SALL4: variants seen among roughly 807,000 people sequenced by gnomAD.
The protein encoded by SALL4 is spalt like transcription factor 4, also known as sal-like protein 4.
A neutral mutation model predicts 60.8 loss-of-function variants in SALL4; 4 were observed. The ratio of observed to expected loss-of-function variants is 0.07; its 90% confidence interval spans 0.03 to 0.15. The LOEUF (loss-of-function observed/expected upper bound fraction) is 0.15, where lower values mean the gene tolerates loss of function less well. Among genes scored for constraint, SALL4 ranks in the 10% least tolerant of loss-of-function variants. The pLI, the probability that SALL4 is intolerant of heterozygous loss-of-function variation, is 1.00. For synonymous variants in SALL4, 580 were observed against 574.9 expected (o/e 1.01, Z -0.13); for missense variants, 1,178 against 1,394.7 (o/e 0.84, Z 2.48).
Position 51,784,275 on chromosome 20 carries a change from G to T in SALL4, c.3152C>A (p.Ala1051Glu). ...FPHFLEENKIAVS is the reference protein window; with the variant it reads ...FPHFLEENKIEVS ...CACGCAAGTTCTCCCTTAGCTGACC[G>T]CAATCTTGTTTTCTTCCAGGAAGTG... Residue 1051 changes from alanine to glutamate, a missense_variant, in exon 4 of 4, where the codon GCG becomes GAG. Physicochemically the swap from Ala to Glu is moderately radical, Grantham distance 107 (BLOSUM62 -1). This residue lies in a region of SALL4 where 174 missense variants were observed against 169.6 expected (regional missense o/e 1.03). Coordinates refer to ENST00000217086, the MANE Select transcript of SALL4 (RefSeq NM_020436.5). The T allele has an allele frequency of 1.9e-6, 3 of 1,613,856 alleles. No homozygotes were observed. The highest frequency in any genetic ancestry group is 2.5e-6 in the Non-Finnish European group (3 of 1,180,018).
At position 51,788,599 on chromosome 20, in the gene SALL4, G is replaced by A. The variant is rs1314971262; in HGVS notation, c.2742+262C>T. ...CCAGCTACTCAGGAGGCTGAGGCAG[G>A]AGAATGGCATGAACCCGGGAGGAGG... On this transcript the variant is annotated intron_variant, in intron 3 of 3. Coordinates refer to ENST00000217086, the MANE Select transcript of SALL4 (RefSeq NM_020436.5). This position sits in a 1 kb window ranked among gnomAD's most constrained non-coding sequence, Gnocchi z 4.1. Among the ~76,000 whole-genome samples, 1 of 152,182 alleles carries A rather than the reference G, an allele frequency of 6.6e-6. No homozygotes were observed. Among genetic ancestry groups the A allele is most frequent in the Non-Finnish European group, 1.5e-5 (1 of 68,028 alleles).
chr20:51,792,102 G>A lies in SALL4; in HGVS notation c.381C>T (p.Pro127=), dbSNP rs761376659. The part of the protein sequence containing the change: ...GAVLSHQPTS[P]GSKDCHRENG... ...TCTCCCTGTGACAGTCCTTACTGCCGGGACTGGTGGGCTGGTGGCTCAGTA... is the reference window on the plus strand; with the variant it reads ...TCTCCCTGTGACAGTCCTTACTGCCAGGACTGGTGGGCTGGTGGCTCAGTA... The change falls in exon 2 of 4, where the codon CCC becomes CCT. Residue 127 remains proline (P), a synonymous_variant. Transcript: ENST00000217086. 8 of 1,614,044 alleles carry A rather than the reference G, an allele frequency of 5.0e-6. No individual in the cohort carries two copies. In the East Asian group the frequency reaches 6.7e-5, roughly 13 times the overall value.
rs143818932 is a variant in SALL4, at chr20:51,791,196, A to G, written c.1287T>C (p.Phe429=). Residue 429 remains phenylalanine (F), a synonymous_variant, in exon 2 of 4, where the codon TTT becomes TTC. Transcript: ENST00000217086. This position sits in a 1 kb window ranked among gnomAD's most constrained non-coding sequence, Gnocchi z 4.6. ...FTTKGNLKVH[F]HRHPQVKANP... ...TTGCCTTCACCTGGGGATGTCGGTG[A>G]AAGTGCACCTTGAGGTTGCCCTTGG... 1 of 1,614,090 alleles carries G rather than the reference A, an allele frequency of 6.2e-7. No individual in the cohort carries two copies. The highest frequency in any genetic ancestry group is 1.1e-5 in the South Asian group (1 of 91,076).
intron 1 of SALL4, among the ~76,000 whole-genome samples, chr20:51,798,528 T>C (rs1394430163): frequency 1.3e-5 from 2 of 152,084 alleles, no homozygotes; most frequent in Admixed American, 1.3e-4. Context: ...TTTAAAAATG[T>C]TTAGACATTT....
At chr20:51,799,618 A>G (rs2078098337) in intron 1 of SALL4, among the ~76,000 whole-genome samples, 1 of 152,222 alleles carries the variant, frequency 6.6e-6, no homozygotes, top group African/African-American at 2.4e-5. Context: ...TAGAAAGTTG[A>G]CCTGAAACGT....
Position 51,790,426 on chromosome 20 carries a change from T to C in SALL4, c.2057A>G (p.Asp686Gly). 1 of 1,612,828 alleles carries C rather than the reference T, an allele frequency of 6.2e-7. No individual in the cohort carries two copies. Among genetic ancestry groups the C allele is most frequent in the Non-Finnish European group, 8.5e-7 (1 of 1,180,004 alleles). ...CTCTACATCGATGCTTTCGATGACA[T>C]CATCATGGCAGATAGCGCCGGTGCT... ...NGSTGAICHDDVIESIDVEEV... is the reference protein window; with the variant it reads ...NGSTGAICHDGVIESIDVEEV... Residue 686 changes from aspartate to glycine, a missense_variant, in exon 2 of 4, where the codon GAT becomes GGT. Asp to Gly is a moderately conservative substitution (Grantham distance 94). This residue lies in a region of SALL4 where 853 missense variants were observed against 1,036.8 expected (regional missense o/e 0.82). Transcript: ENST00000217086. This position sits in a 1 kb window ranked among gnomAD's most constrained non-coding sequence, Gnocchi z 5.5.
rs1677546035 is a variant in SALL4 at position 51,802,322 on chromosome 20, C to T, written c.87G>A (p.Glu29=). Residue 29 remains glutamate, a synonymous_variant, in exon 1 of 4, where the codon GAG becomes GAA. Coordinates refer to ENST00000217086, the MANE Select transcript of SALL4 (RefSeq NM_020436.5). ...GEQQPQQQTP[E]FADAAPAAPA... ...GCGCCGCTGGGGCCGCATCTGCAAA[C>T]TCCGGGGTCTGCTGCTGCGGCTGCT... 6.2e-7 allele frequency: 1 copy of T among 1,610,574 alleles called. No homozygotes were observed. The highest frequency in any genetic ancestry group is 2.2e-5 in the East Asian group (1 of 44,836).
Position 51,784,207 on chromosome 20 carries a change from A to C in SALL4, c.*58T>G. 4.4e-6 allele frequency: 7 copies of C among 1,593,690 alleles called. No homozygotes were observed. Among genetic ancestry groups the C allele is most frequent in the Non-Finnish European group, 6.0e-6 (7 of 1,164,002 alleles). ...AGGAGGAGATGAGTTCTTACAAAAC[A>C]AAGCAGATTCTAGAGATTTCACTGT... is the stretch of plus-strand genomic sequence containing the variant. On this transcript the variant is annotated 3_prime_UTR_variant, in exon 4 of 4. Transcript: ENST00000217086.
At chr20:51,787,783 A>G (rs2078003410) in intron 3 of SALL4, among the ~76,000 whole-genome samples, 1 of 151,838 alleles carries the variant, frequency 6.6e-6, no homozygotes, top group Non-Finnish European at 1.5e-5. Flanking sequence ...CTGAGAGTAC[A>G]GGCATGAGCC....
intron 1 of SALL4, among the ~76,000 whole-genome samples, chr20:51,800,620 A>G (rs1388069253): frequency 2.0e-5 from 3 of 152,234 alleles, no homozygotes. Flanking sequence ...GGGAGGGGTC[A>G]GAACCAGGAG....
intron 1 of SALL4, among the ~76,000 whole-genome samples, chr20:51,795,750 A>G (rs2078075637): frequency 1.3e-5 from 2 of 152,310 alleles, no homozygotes; most frequent in South Asian, 4.1e-4. Flanking sequence ...TTGACCCAGC[A>G]ATTCCTGCTT....
intron 1 of SALL4, among the ~76,000 whole-genome samples, chr20:51,799,859 T>C (rs1362526247): frequency 6.6e-6 from 1 of 152,162 alleles, no homozygotes; most frequent in Non-Finnish European, 1.5e-5. Flanking sequence ...GACGTCATTT[T>C]CCTCCCTCAA....
chr20:51,788,804 A>G lies in SALL4; in HGVS notation c.2742+57T>C. The G allele has an allele frequency of 6.2e-7, 1 of 1,605,174 alleles. No individual in the cohort carries two copies. Among genetic ancestry groups the G allele is most frequent in the Non-Finnish European group, 8.5e-7 (1 of 1,177,592 alleles). On this transcript the variant is annotated intron_variant, in intron 3 of 3. Coordinates refer to ENST00000217086, the MANE Select transcript of SALL4 (RefSeq NM_020436.5). The surrounding 1 kb of genome is among the most constrained non-coding windows in gnomAD (Gnocchi z 4.1). ...GGAAGAACTCATCACGGCTTGTGCC[A>G]ATAAGAAGACACCTGGTGCCTAGCC...
chr20:51,782,573 A>AAAAAAAAAAAG lies in SALL4; in HGVS notation c.*1691_*1692insCTTTTTTTTTT, dbSNP rs57307622. 2.3e-5 allele frequency: 3 copies of AAAAAAAAAAAG among 131,950 alleles called. No homozygotes were observed. The highest frequency in any genetic ancestry group is 3.1e-5 in the Non-Finnish European group (2 of 65,286). The allele number at this position is 131,950 out of a possible 1,614,324, so 8.2% of individuals were successfully genotyped here. A position where few individuals can be genotyped will look rare whatever the true frequency, so the allele number is the denominator to read the frequency against. On this transcript the variant is annotated 3_prime_UTR_variant, in exon 4 of 4. Coordinates refer to ENST00000217086, the MANE Select transcript of SALL4 (RefSeq NM_020436.5). Reference sequence around the variant, plus strand: ...GGCAAAAAAAAAAAAAAAAAAAAAAAAGGGGGGCGGAATCCTAAAGTCAGG... The same window carrying AAAAAAAAAAAG: ...GGCAAAAAAAAAAAAAAAAAAAAAAAAAAAAAAAAAGAGGGGGGCGGAATCCTAAAGTCAGG...
chr20:51,801,312 G>C lies in SALL4; in HGVS notation c.130+967C>G, dbSNP rs1206911300. ...CCCCTCGATCTGGGAAACGCTGGCC[G>C]CGGAAGCGTGGGCCAGGTCAGCCGC... is the stretch of plus-strand genomic sequence containing the variant. On this transcript the variant is annotated intron_variant, in intron 1 of 3. Transcript: ENST00000217086. The surrounding 1 kb of genome is among the most constrained non-coding windows in gnomAD (Gnocchi z 5.2). Among the ~76,000 whole-genome samples, 1 of 152,150 alleles carries C rather than the reference G, an allele frequency of 6.6e-6. No individual in the cohort carries two copies. Among genetic ancestry groups the C allele is most frequent in the Non-Finnish European group, 1.5e-5 (1 of 68,024 alleles).
At position 51,792,804 on chromosome 20, in the gene SALL4, C is replaced by T. The variant is rs376544265; in HGVS notation, c.131-452G>A. The T allele has an allele frequency of 2.6e-5, 27 of 1,055,908 alleles. 2 individuals carry two copies. The highest frequency in any genetic ancestry group is 1.5e-4 in the Admixed American group (3 of 20,096). The allele number at this position is 1,055,908 out of a possible 1,614,324, so 65.4% of individuals were successfully genotyped here. A position where few individuals can be genotyped will look rare whatever the true frequency, so the allele number is the denominator to read the frequency against. On this transcript the variant is annotated intron_variant, in intron 1 of 3. Transcript: ENST00000217086. ...ACACATTGCAACTCCGAACTTGGGA[C>T]TGTGTTTTAGCCAGATGCTGGGGTC...
In SALL4 at chr20:51,790,334, A is replaced by T; in HGVS notation, c.2149T>A (p.Ser717Thr). The T allele has an allele frequency of 6.2e-7, 1 of 1,614,084 alleles. No individual in the cohort carries two copies. Among genetic ancestry groups the T allele is most frequent in the South Asian group, 1.1e-5 (1 of 91,076 alleles). Residue 717 changes from serine to threonine, a missense_variant, in exon 2 of 4, where the codon TCG becomes ACG. Ser to Thr is a moderately conservative substitution (Grantham distance 58). Coordinates refer to ENST00000217086, the MANE Select transcript of SALL4 (RefSeq NM_020436.5). The surrounding 1 kb of genome is among the most constrained non-coding windows in gnomAD (Gnocchi z 5.5). ...KVPTPLPSIH[S>T]ASPTLGFAMM... ...GCAAACCCTAGCGTGGGTGATGCCG[A>T]GTGGATGCTGGGAAGAGGCGTGGGG...
rs1224116356 is a variant in SALL4 at position 51,792,980 on chromosome 20, T to A, written c.131-628A>T. The A allele has an allele frequency of 7.1e-6, 7 of 990,378 alleles. No homozygotes were observed. The East Asian group carries it at 7.8e-4, about 111-fold the overall frequency. The allele number at this position is 990,378 out of a possible 1,614,324, so 61.3% of individuals were successfully genotyped here. ...ATCTCAGACCCAGCAGCTAAGCCTA[T>A]AAATCTAAACCACACAAGACATTCA... On this transcript the variant is annotated intron_variant, in intron 1 of 3. Transcript: ENST00000217086.
chr20:51,784,186 G>A lies in SALL4; in HGVS notation c.*79C>T, dbSNP rs1601161603. 2 of 1,518,118 alleles carry A rather than the reference G, an allele frequency of 1.3e-6. No homozygotes were observed. Among genetic ancestry groups the A allele is most frequent in the East Asian group, 4.5e-5 (2 of 44,396 alleles). The allele number at this position is 1,518,118 out of a possible 1,614,324, so 94.0% of individuals were successfully genotyped here. ...TATCAGTAAGAAAAAGAAAACAGGA[G>A]GAGATGAGTTCTTACAAAACAAAGC... is the stretch of plus-strand genomic sequence containing the variant. On this transcript the variant is annotated 3_prime_UTR_variant, in exon 4 of 4. Transcript: ENST00000217086.
Sources: gnomAD v4.1 joint callset for allele counts (sites outside exome capture counted in the v4.1 genomes callset) on GRCh38, gnomAD v4.1.1 for gene constraint, gnomAD v4.1.1 regional missense constraint, Gnocchi (gnomAD v3.1) non-coding constraint, MANE v1.5 for transcripts, NCBI Gene and HGNC (gene_info 2026-07-23, HGNC 2026-07-21) for gene names.